Variants in ATP9B observed in about 807,000 individuals in gnomAD.
ATP9B encodes the protein probable phospholipid-transporting ATPase IIB.
In ATP9B, 110 loss-of-function variants were observed where a neutral mutation model predicts 146.1. The ratio of observed to expected loss-of-function variants is 0.75; its 90% CI spans 0.65 to 0.88. The LOEUF is 0.88. ATP9B is among the 40% of genes least tolerant of loss of function. The pLI, the probability that ATP9B is intolerant of heterozygous loss-of-function variation, is 0.00. For synonymous variants in ATP9B, 604 were observed against 569.7 expected (o/e 1.06, Z -0.86); for missense variants, 1,499 against 1,496.4 (o/e 1.00, Z -0.03).
At chr18:79,073,165 G>A (rs1462830911) in intron 1 of ATP9B, among the ~76,000 whole-genome samples, 2 of 152,152 alleles carry the variant, frequency 1.3e-5, no homozygotes, top group African/African-American at 4.8e-5. Context: ...GGGCAGACGG[G>A]CTCCTCACAT....
Position 79,112,395 on chromosome 18 carries a change from A to G in ATP9B, c.445-846A>G, listed in dbSNP as rs190996285. 4.6e-3 allele frequency among the ~76,000 whole-genome samples: 708 copies of G among 152,332 alleles called. 8 individuals carry two copies. Among genetic ancestry groups the G allele is most frequent in the African/African-American group, 0.016 (679 of 41,584 alleles). On this transcript the variant is annotated intron_variant, in intron 3 of 29. Transcript: ENST00000426216. Reference sequence around the variant, plus strand: ...TAGAGGCGTTTGTAAATTGAGATCTATTAATATGTTAGATCTTGGGTTTTC... The same window carrying G: ...TAGAGGCGTTTGTAAATTGAGATCTGTTAATATGTTAGATCTTGGGTTTTC...
At chr18:79,159,548 C>T (rs1185581346) in intron 7 of ATP9B, among the ~76,000 whole-genome samples, 2 of 152,144 alleles carry the variant, frequency 1.3e-5, no homozygotes, top group Admixed American at 6.5e-5. Context: ...AGTGTTTCTC[C>T]TGTCTGCCTT....
At chr18:79,258,357 G>A (rs1361166456) in intron 12 of ATP9B, among the ~76,000 whole-genome samples, 4 of 152,156 alleles carry the variant, frequency 2.6e-5, no homozygotes, top group Non-Finnish European at 4.4e-5. Flanking sequence ...TTTAGCCCAG[G>A]AGGTTGAGGC....
chr18:79,097,626 T>C (rs2074914454), intron 2 of ATP9B, among the ~76,000 whole-genome samples: 1 of 143,986 alleles, frequency 6.9e-6, no homozygotes, highest in Non-Finnish European at 1.5e-5. Flanking sequence ...ATATGCGGTA[T>C]TTGGTTTTTT....
chr18:79,279,234 A>G (rs2096349999), intron 13 of ATP9B, among the ~76,000 whole-genome samples: 1 of 152,186 alleles, frequency 6.6e-6, no homozygotes, highest in Admixed American at 6.5e-5. Flanking sequence ...TGCTTTCCCA[A>G]CGTGGAGAGG....
At chr18:79,324,126 C>T (rs2096731304) in intron 15 of ATP9B, among the ~76,000 whole-genome samples, 1 of 152,056 alleles carries the variant, frequency 6.6e-6, no homozygotes. Context: ...ATCTTTTGCC[C>T]ATATTTTAAT....
Position 79,235,906 on chromosome 18 carries a change from A to C in ATP9B, c.1108-17475A>C, listed in dbSNP as rs1346238659. Among the ~76,000 whole-genome samples the C allele has an allele frequency of 7.9e-5, 12 of 152,012 alleles. No individual in the cohort carries two copies. The South Asian group carries it at 1.7e-3, about 21-fold the overall frequency. ...GCAGCCACGGATTTCTACATCTTTGATCTCTGGGTTCTTTGGGCTTTTTGC... is the reference window on the plus strand; with the variant it reads ...GCAGCCACGGATTTCTACATCTTTGCTCTCTGGGTTCTTTGGGCTTTTTGC... On this transcript the variant is annotated intron_variant, in intron 11 of 29. Coordinates refer to ENST00000426216, the MANE Select transcript of ATP9B (RefSeq NM_198531.5).
chr18:79,354,080 T>C (rs1018281348), intron 25 of ATP9B: 2 of 152,200 alleles, frequency 1.3e-5, no homozygotes, highest in Non-Finnish European at 2.9e-5. Flanking sequence ...GTTTTAAAAA[T>C]AGAACGGTCT....
chr18:79,109,897 A>G (rs995270708), intron 2 of ATP9B, among the ~76,000 whole-genome samples: 4 of 152,114 alleles, frequency 2.6e-5, no homozygotes, highest in African/African-American at 9.7e-5. Context: ...GCATTAGTTA[A>G]TACTACTGGA....
intron 9 of ATP9B, among the ~76,000 whole-genome samples, chr18:79,201,953 G>T (rs2148289615): frequency 6.6e-6 from 1 of 152,302 alleles, no homozygotes; most frequent in African/African-American, 2.4e-5. Flanking sequence ...GTGGGAGGCG[G>T]ATGTGGGAGG....
intron 11 of ATP9B, among the ~76,000 whole-genome samples, chr18:79,227,755 G>C (rs1256520298): frequency 6.6e-6 from 1 of 152,072 alleles, no homozygotes; most frequent in South Asian, 2.1e-4. Context: ...ACTTGTTTCT[G>C]TGCCTTCCCG....
At chr18:79,149,687 AT>A (rs1419359701) in intron 6 of ATP9B, among the ~76,000 whole-genome samples, 23 of 151,996 alleles carry the variant, frequency 1.5e-4, no homozygotes, top group African/African-American at 5.6e-4. Flanking sequence ...TCTAGAATAT[AT>A]AAAAACTCCT....
At position 79,347,907 on chromosome 18, in the gene ATP9B, TATC is replaced by T; in HGVS notation, c.2824_2826del (p.Ile942del). The T allele has an allele frequency of 6.2e-7, 1 of 1,613,756 alleles. No homozygotes were observed. ...GCCAGTTCGTCATGCACAGGGGCCT[TATC>T]ATCTCCACCATGCAGGTACTAAGCC... On this transcript the variant is annotated inframe_deletion, in exon 24 of 30. Transcript: ENST00000426216.
chr18:79,093,318 A>T (rs1391242973), intron 1 of ATP9B, among the ~76,000 whole-genome samples: 1 of 152,114 alleles, frequency 6.6e-6, no homozygotes, highest in African/African-American at 2.4e-5. Context: ...CTGGATGTAG[A>T]CTTCTGCTTT....
chr18:79,146,599 C>T (rs7232874), intron 6 of ATP9B: 46,463 of 217,960 alleles, frequency 0.21, 7,622 homozygotes, highest in African/African-American at 0.53. Context: ...AAGGTCCATG[C>T]TGCGTGTCGG....
chr18:79,313,810 G>A (rs536882478), intron 15 of ATP9B, among the ~76,000 whole-genome samples: 1 of 152,196 alleles, frequency 6.6e-6, no homozygotes, highest in East Asian at 1.9e-4. Context: ...ATTGGACAAT[G>A]ATAAAAAATA....
At chr18:79,249,385 T>C (rs2096000949) in intron 11 of ATP9B, among the ~76,000 whole-genome samples, 1 of 152,186 alleles carries the variant, frequency 6.6e-6, no homozygotes, top group African/African-American at 2.4e-5. Context: ...AATTTTGTTA[T>C]TGCAGTTGTT....
At chr18:79,275,332 A>C (rs185232110) in intron 12 of ATP9B, among the ~76,000 whole-genome samples, 69 of 152,318 alleles carry the variant, frequency 4.5e-4, no homozygotes, top group Middle Eastern at 3.4e-3. Flanking sequence ...CATGACTTCC[A>C]CTTTCTCTTT....
intron 1 of ATP9B, among the ~76,000 whole-genome samples, chr18:79,071,977 T>G (rs2071900673): frequency 6.6e-6 from 1 of 151,116 alleles, no homozygotes; most frequent in South Asian, 2.1e-4. Flanking sequence ...GTTGAAATAA[T>G]GGAGAGTTGC....
Sources: gnomAD v4.1 joint callset for allele counts (sites outside exome capture counted in the v4.1 genomes callset) on GRCh38, gnomAD v4.1.1 for gene constraint, MANE v1.5 for transcripts, NCBI Gene and HGNC (gene_info 2026-07-23, HGNC 2026-07-21) for gene names.